INTS8: variants seen among roughly 807,000 people sequenced by gnomAD.
INTS8 encodes the protein integrator complex subunit 8, also known as protein kaonashi-1.
In INTS8, 47 loss-of-function variants were observed where a neutral mutation model predicts 138.9. The ratio of observed to expected loss-of-function variants is 0.34; its 90% CI spans 0.27 to 0.43. The LOEUF (loss-of-function observed/expected upper bound fraction) is 0.43, where lower values mean the gene tolerates loss of function less well. Among genes scored for constraint, INTS8 ranks in the 20% least tolerant of loss-of-function variants. The pLI is 1.00. For synonymous variants in INTS8, 392 were observed against 400.9 expected, an observed-to-expected ratio of 0.98 and a Z score of 0.27; for missense variants, 996 against 1,173.0, an observed-to-expected ratio of 0.85 and a Z score of 2.20.
intron 12 of INTS8, among the ~76,000 whole-genome samples, chr8:94,851,242 G>T (rs1232083297): frequency 6.6e-6 from 1 of 152,146 alleles, no homozygotes; most frequent in African/African-American, 2.4e-5. Context: ...GTATAAGTCT[G>T]TAAGTTAATT....
intron 20 of INTS8, among the ~76,000 whole-genome samples, chr8:94,869,617 T>C (rs1816316019): frequency 6.6e-6 from 1 of 151,786 alleles, no homozygotes; most frequent in African/African-American, 2.4e-5. Context: ...CTCAGCCTCC[T>C]GAGTAGCTGG....
At chr8:94,844,692 C>G (rs1007284048) in intron 10 of INTS8, among the ~76,000 whole-genome samples, 2 of 150,756 alleles carry the variant, frequency 1.3e-5, no homozygotes, top group Non-Finnish European at 3.0e-5. Context: ...TATATATATT[C>G]TCTTTTTTAC....
chr8:94,867,117 A>C, intron 18 of INTS8, 23 bp from the exon 19 acceptor site: 4 of 1,561,628 alleles, frequency 2.6e-6, no homozygotes, highest in Non-Finnish European at 3.5e-6. Context: ...CTGTTTAAGG[A>C]TTCTGTGTTT....
rs1001204831 is a variant in INTS8 at position 94,836,448 on chromosome 8, A to G, written c.754-76A>G. The G allele has an allele frequency of 8.3e-6, 9 of 1,086,014 alleles. No individual in the cohort carries two copies. The Admixed American group carries it at 1.8e-4, about 22-fold the overall frequency. 67.3% of individuals were successfully genotyped at this position (1,086,014 alleles called of 1,614,324 possible). ...CTTTTTTTCTGTGTTTTCGTGAGAT[A>G]AAGACAGTTTTGGTTCTGTCACCTC... On this transcript the variant is annotated intron_variant, in intron 6 of 26. Transcript: ENST00000523731.
chr8:94,850,216 A>G, intron 12 of INTS8, 125 bp downstream of exon 12: 1 of 651,302 alleles, frequency 1.5e-6, no homozygotes, highest in South Asian at 2.2e-5. Context: ...ATTAATAGAA[A>G]TTCACCTGTC....
In INTS8 at chr8:94,838,611, A is replaced by G. The variant is rs570684449; in HGVS notation, c.1010A>G (p.Asn337Ser). 3 of 1,612,740 alleles carry G rather than the reference A, an allele frequency of 1.9e-6. No individual in the cohort carries two copies. The highest frequency in any genetic ancestry group is 2.7e-5 in the African/African-American group (2 of 75,022). The part of the protein sequence containing the change: ...SQVHICLRSG[N>S]YQEVIQIFIE... ...GTCCATATTTGTTTGAGATCTGGCA[A>G]CTATCAGGTAAGGTGTATGAGGGGG... The change falls in exon 8 of 27, where the codon AAC (asparagine) becomes AGC (serine). Residue 337 changes from asparagine to serine, a missense_variant. Physicochemically the swap from Asn to Ser is conservative, Grantham distance 46. Transcript: ENST00000523731.
rs981365920 is a variant in INTS8, at chr8:94,823,306, G to C, written c.-126G>C. ...CGCGCCGCCATTTTGGATTGTGTGA[G>C]TTTCCGGGACGTTCGGAGGGTGGCC... On this transcript the variant is annotated 5_prime_UTR_variant, in exon 1 of 27. Transcript: ENST00000523731. The C allele has an allele frequency of 1.1e-5, 17 of 1,523,898 alleles. No homozygotes were observed. The highest frequency in any genetic ancestry group is 1.2e-5 in the Non-Finnish European group (14 of 1,140,474). 94.4% of individuals were successfully genotyped at this position (1,523,898 alleles called of 1,614,324 possible).
chr8:94,878,564 T>A (rs575307003), intron 26 of INTS8, among the ~76,000 whole-genome samples: 13 of 152,314 alleles, frequency 8.5e-5, no homozygotes, highest in African/African-American at 3.1e-4. Flanking sequence ...ATGCTTTGAA[T>A]TCTCTCCCCC....
intron 10 of INTS8, among the ~76,000 whole-genome samples, chr8:94,848,977 T>A (rs1213848943): frequency 6.6e-6 from 1 of 152,148 alleles, no homozygotes; most frequent in East Asian, 1.9e-4. Flanking sequence ...TTTGTTTGCA[T>A]TGTTTACTTT....
chr8:94,826,749 G>A (rs983088521), intron 2 of INTS8, among the ~76,000 whole-genome samples: 10 of 152,108 alleles, frequency 6.6e-5, no homozygotes, highest in Admixed American at 2.6e-4. Context: ...GTACATAGGG[G>A]TTCATTATAT....
At position 94,881,506 on chromosome 8, in the gene INTS8, A is replaced by C. The variant is rs993440835; in HGVS notation, c.*1272A>C. The C allele has an allele frequency of 3.8e-6, 3 of 799,616 alleles. No individual in the cohort carries two copies. The highest frequency in any genetic ancestry group is 3.5e-5 in the African/African-American group (2 of 57,314). 49.5% of individuals were successfully genotyped at this position (799,616 alleles called of 1,614,324 possible). The stretch of plus-strand genomic sequence containing the variant: ...TTGTAAGTTTTAAAATCAGAATGGC[A>C]GTGTAACTTGTGAATTGGCTAGGGC... On this transcript the variant is annotated 3_prime_UTR_variant, in exon 27 of 27. Coordinates refer to ENST00000523731, the MANE Select transcript of INTS8 (RefSeq NM_017864.4).
intron 9 of INTS8, 72 bp from the exon 10 acceptor site, chr8:94,842,275 T>C: frequency 2.0e-6 from 2 of 987,414 alleles, no homozygotes; most frequent in East Asian, 2.6e-5. Flanking sequence ...TTCTTGTGAA[T>C]ATAGTTGTAT....
chr8:94,854,379 A>G (rs113724709), intron 14 of INTS8, among the ~76,000 whole-genome samples: 120 of 152,338 alleles, frequency 7.9e-4, no homozygotes, highest in African/African-American at 2.7e-3. Context: ...CGTTATAATT[A>G]TACTAAAATG....
chr8:94,877,997 G>T (rs563699138), intron 26 of INTS8, among the ~76,000 whole-genome samples: 1 of 152,050 alleles, frequency 6.6e-6, no homozygotes, highest in Non-Finnish European at 1.5e-5. Flanking sequence ...TAAGTTTCCC[G>T]GGTAGTCTGG....
At chr8:94,833,568 T>C (rs1814807230) in intron 6 of INTS8, among the ~76,000 whole-genome samples, 1 of 152,086 alleles carries the variant, frequency 6.6e-6, no homozygotes, top group Non-Finnish European at 1.5e-5. Context: ...TAGTATCTCA[T>C]AATCTTTCAG....
rs10111645 is a variant in INTS8 at position 94,824,808 on chromosome 8, C to A, written c.131-85C>A. On this transcript the variant is annotated intron_variant, in intron 1 of 26. Coordinates refer to ENST00000523731, the MANE Select transcript of INTS8 (RefSeq NM_017864.4). ...CTCCCCCCCCCCCCACCCACCCCCC[C>A]AAAAAAACCAAACCAATAGTGAATC... 9.0e-4 allele frequency: 111 copies of A among 123,234 alleles called. 1 individual carries two copies. Among genetic ancestry groups the A allele is most frequent in the African/African-American group, 1.6e-3 (46 of 29,592 alleles). 7.6% of individuals were successfully genotyped at this position (123,234 alleles called of 1,614,324 possible).
At chr8:94,865,468 C>A in intron 16 of INTS8, 38 bp from the exon 17 acceptor site, 1 of 1,548,262 alleles carries the variant, frequency 6.5e-7, no homozygotes, top group Non-Finnish European at 8.9e-7. Flanking sequence ...CACGACATTA[C>A]AGATTATCTT....
chr8:94,867,411 C>A, intron 20 of INTS8, 74 bp downstream of exon 20: 1 of 1,079,260 alleles, frequency 9.3e-7, no homozygotes, highest in Non-Finnish European at 1.4e-6. Context: ...GTATAGATAC[C>A]CTTAGATAAT....
chr8:94,852,080 T>C (rs1294557565), intron 13 of INTS8, among the ~76,000 whole-genome samples: 1 of 152,058 alleles, frequency 6.6e-6, no homozygotes, highest in African/African-American at 2.4e-5. Context: ...GTAGCTGGGA[T>C]TACAGGTACC....
Sources: allele counts gnomAD v4.1 joint callset (sites outside exome capture counted in the v4.1 genomes callset), GRCh38; gene constraint gnomAD v4.1.1; transcripts MANE v1.5; gene names NCBI Gene and HGNC (gene_info 2026-07-23, HGNC 2026-07-21).